PDE3A: variants seen among roughly 807,000 people sequenced by gnomAD.
PDE3A encodes cGMP-inhibited 3',5'-cyclic phosphodiesterase 3A.
In PDE3A, 43 loss-of-function variants were observed where a neutral mutation model predicts 98.3. That is an observed-to-expected ratio of 0.44 (90% CI 0.34 to 0.56). The LOEUF is 0.56. Ranked by LOEUF, PDE3A falls within the 20% of genes least tolerant of loss-of-function variation. The pLI is 0.01. For missense variants in PDE3A, 1,427 were observed against 1,440.7 expected, an observed-to-expected ratio of 0.99 and a Z score of 0.15; for synonymous variants, 663 against 567.9, an observed-to-expected ratio of 1.17 and a Z score of -2.38.
intron 1 of PDE3A, among the ~76,000 whole-genome samples, chr12:20,442,889 A>G (rs1944892590): frequency 6.6e-6 from 1 of 152,198 alleles, no homozygotes; most frequent in Non-Finnish European, 1.5e-5. Context: ...ATCCACTGAC[A>G]GTGTTGAAGA....
At chr12:20,396,943 C>A (rs1944030930) in intron 1 of PDE3A, among the ~76,000 whole-genome samples, 1 of 151,970 alleles carries the variant, frequency 6.6e-6, no homozygotes, top group African/African-American at 2.4e-5. Flanking sequence ...CCCTGCTCTG[C>A]CATGTATTAA....
chr12:20,642,865 T>C (rs890321844), intron 10 of PDE3A, among the ~76,000 whole-genome samples: 3 of 152,200 alleles, frequency 2.0e-5, no homozygotes, highest in Admixed American at 1.3e-4. Flanking sequence ...TTACCTCTAT[T>C]CTTTATTACT....
chr12:20,580,854 G>A (rs1247649673), intron 2 of PDE3A, among the ~76,000 whole-genome samples: 1 of 152,188 alleles, frequency 6.6e-6, no homozygotes, highest in Admixed American at 6.5e-5. Flanking sequence ...TTTCCTAGAA[G>A]TGACAGCTAA....
At chr12:20,626,484 T>C (rs1176336542) in intron 5 of PDE3A, among the ~76,000 whole-genome samples, 5 of 152,082 alleles carry the variant, frequency 3.3e-5, no homozygotes, top group African/African-American at 1.2e-4. Flanking sequence ...TTACACTTTT[T>C]TTATATTTAT....
chr12:20,422,585 T>C (rs1224050274), intron 1 of PDE3A, among the ~76,000 whole-genome samples: 1 of 152,048 alleles, frequency 6.6e-6, no homozygotes, highest in Non-Finnish European at 1.5e-5. Flanking sequence ...TTAGAAAATA[T>C]TCTCTATCAG....
chr12:20,635,617 G>C (rs1944490819), intron 8 of PDE3A, among the ~76,000 whole-genome samples: 2 of 151,352 alleles, frequency 1.3e-5, no homozygotes, highest in South Asian at 4.2e-4. Flanking sequence ...CCCAGGCATG[G>C]TGGCAGGTGC....
intron 1 of PDE3A, chr12:20,551,720 G>A: frequency 6.2e-7 from 1 of 1,613,674 alleles, no homozygotes; most frequent in East Asian, 2.2e-5. Flanking sequence ...CCTGAGTGCC[G>A]GAATGATGCC....
At chr12:20,541,104 TTTTTTTTTTTG>T (rs1941895318) in intron 1 of PDE3A, among the ~76,000 whole-genome samples, 7 of 96,064 alleles carry the variant, frequency 7.3e-5, no homozygotes, top group African/African-American at 2.7e-4. Context: ...TTTTTTTTTT[TTTTTTTTTTTG>T]AGACAGGGTC....
At chr12:20,679,013 G>A (rs1329164334) in intron 15 of PDE3A, among the ~76,000 whole-genome samples, 1 of 152,156 alleles carries the variant, frequency 6.6e-6, no homozygotes, top group African/African-American at 2.4e-5. Context: ...TATACTCTAG[G>A]AGGTACATAT....
intron 2 of PDE3A, among the ~76,000 whole-genome samples, chr12:20,580,094 G>A (rs1040713112): frequency 6.6e-6 from 1 of 152,128 alleles, no homozygotes; most frequent in Non-Finnish European, 1.5e-5. Flanking sequence ...AATTAAAATT[G>A]TATAGTTAGC....
rs147629008 is a variant in PDE3A, at chr12:20,674,568, C to T, written c.3185-5462C>T. On this transcript the variant is annotated intron_variant, in intron 15 of 15. Transcript: ENST00000359062. The stretch of plus-strand genomic sequence containing the variant: ...ATAGATGCAAAAAAGCATTTTTATG[C>T]GAAGTCACCCAGTACTGAACTTTTT... Among the ~76,000 whole-genome samples the T allele has an allele frequency of 2.8e-3, 427 of 152,158 alleles. 2 individuals are homozygous for T. Among genetic ancestry groups the T allele is most frequent in the Non-Finnish European group, 4.3e-3 (294 of 67,954 alleles).
chr12:20,571,970 A>G, intron 2 of PDE3A: 1 of 1,063,990 alleles, frequency 9.4e-7, no homozygotes, highest in Non-Finnish European at 1.1e-6. Context: ...CAGAACTTTC[A>G]TTTAACCTAC....
At chr12:20,678,011 A>G (rs1945685011) in intron 15 of PDE3A, among the ~76,000 whole-genome samples, 1 of 152,278 alleles carries the variant, frequency 6.6e-6, no homozygotes, top group East Asian at 1.9e-4. Flanking sequence ...AGTGGGCCAC[A>G]TGTGCCTCTC....
At chr12:20,381,193 G>A (rs1394661115) in intron 1 of PDE3A, among the ~76,000 whole-genome samples, 2 of 151,784 alleles carry the variant, frequency 1.3e-5, no homozygotes, top group East Asian at 1.9e-4. Flanking sequence ...ACTTCCTTAA[G>A]CAATTAACTA....
intron 9 of PDE3A, among the ~76,000 whole-genome samples, chr12:20,639,029 A>G (rs1944584741): frequency 6.6e-6 from 1 of 152,126 alleles, no homozygotes; most frequent in Admixed American, 6.6e-5. Flanking sequence ...TATCTTCATA[A>G]AACACCTTGA....
Position 20,369,710 on chromosome 12 carries a change from C to T in PDE3A, c.426C>T (p.Ala142=). 1.2e-6 allele frequency: 2 copies of T among 1,612,258 alleles called. No homozygotes were observed. The highest frequency in any genetic ancestry group is 8.5e-7 in the Non-Finnish European group (1 of 1,179,738). ...PSALLFSLLC[A]FFWMGLYLLR... ...CGCTGCTCTTCAGTCTCCTGTGTGC[C>T]TTCTTCTGGATGGGCTTGTACCTCC... Residue 142 remains alanine (A), a synonymous_variant, in exon 1 of 16, where the codon GCC becomes GCT. Transcript: ENST00000359062.
intron 1 of PDE3A, among the ~76,000 whole-genome samples, chr12:20,398,479 G>A (rs141694579): frequency 1.5e-4 from 22 of 151,706 alleles, no homozygotes; most frequent in African/African-American, 4.1e-4. Flanking sequence ...GAGTTTCTGA[G>A]TTATAAACAG....
intron 2 of PDE3A, among the ~76,000 whole-genome samples, chr12:20,579,167 T>C (rs1943008318): frequency 6.6e-6 from 1 of 152,212 alleles, no homozygotes; most frequent in African/African-American, 2.4e-5. Flanking sequence ...CCTTGAGTTA[T>C]TCTATCCAAC....
At chr12:20,607,459 G>GA (rs950499463) in intron 2 of PDE3A, among the ~76,000 whole-genome samples, 80 of 145,470 alleles carry the variant, frequency 5.5e-4, no homozygotes, top group African/African-American at 1.5e-3. Context: ...AAAGAAAAAA[G>GA]AAAAAAAAAC....
Sources: gnomAD v4.1 joint callset for allele counts (sites outside exome capture counted in the v4.1 genomes callset) on GRCh38, gnomAD v4.1.1 for gene constraint, MANE v1.5 for transcripts, NCBI Gene and HGNC (gene_info 2026-07-23, HGNC 2026-07-21) for gene names.